Variants in PTPRN2 observed in about 807,000 individuals in gnomAD.
PTPRN2 encodes receptor-type tyrosine-protein phosphatase N2.
A neutral mutation model predicts 118.8 loss-of-function variants in PTPRN2; 74 were observed. The ratio of observed to expected loss-of-function variants is 0.62; its 90% CI spans 0.52 to 0.76. PTPRN2 has a LOEUF of 0.76. Ranked by LOEUF, PTPRN2 falls within the 30% of genes least tolerant of loss-of-function variation. The pLI, the probability that PTPRN2 is intolerant of heterozygous loss-of-function variation, is 0.00. For missense variants in PTPRN2, 1,481 were observed against 1,394.4 expected, an observed-to-expected ratio of 1.06 and a Z score of -0.99; for synonymous variants, 641 against 608.0, an observed-to-expected ratio of 1.05 and a Z score of -0.80.
At chr7:158,448,246 G>A (rs1817862348) in intron 2 of PTPRN2, among the ~76,000 whole-genome samples, 2 of 152,246 alleles carry the variant, frequency 1.3e-5, no homozygotes, top group South Asian at 4.1e-4. Flanking sequence ...GAGAGAAGTG[G>A]ACTTGGAAGG....
chr7:157,633,924 C>A (rs1045499128), intron 14 of PTPRN2, among the ~76,000 whole-genome samples: 16 of 152,206 alleles, frequency 1.1e-4, no homozygotes, highest in African/African-American at 3.4e-4. Context: ...TTTTGGAAGA[C>A]CACCCTGGTT....
chr7:157,563,913 ACAG>A (rs1799351139), intron 21 of PTPRN2, among the ~76,000 whole-genome samples: 1 of 151,902 alleles, frequency 6.6e-6, no homozygotes, highest in Non-Finnish European at 1.5e-5. Context: ...CACACCACAC[ACAG>A]CAGATCAGGA....
rs1270089861 is a variant in PTPRN2, at chr7:157,688,363, C to T, written c.1789-5426G>A. On this transcript the variant is annotated intron_variant, in intron 12 of 22. Transcript: ENST00000389418. ...TACTGATGTCCAAAGGGGGAAGCACCCTTGTGCAAACTAATTCTAACCAGC... is the reference window on the plus strand; with the variant it reads ...TACTGATGTCCAAAGGGGGAAGCACTCTTGTGCAAACTAATTCTAACCAGC... Among the ~76,000 whole-genome samples the T allele has an allele frequency of 2.0e-5, 3 of 152,290 alleles. No homozygotes were observed. In the South Asian group the frequency reaches 6.2e-4, roughly 32 times the overall value.
At chr7:158,232,429 A>G (rs10273930) in intron 3 of PTPRN2, among the ~76,000 whole-genome samples, 72,524 of 151,882 alleles carry the variant, frequency 0.48, 18,171 homozygotes, top group African/African-American at 0.64. Context: ...ACCAATAACA[A>G]GTAATTAGAT....
chr7:158,542,773 A>G (rs1229808049), intron 1 of PTPRN2, among the ~76,000 whole-genome samples: 2 of 152,236 alleles, frequency 1.3e-5, no homozygotes, highest in East Asian at 1.9e-4. Context: ...CAGCAAGTCC[A>G]TGTCCCTGGG....
At chr7:158,154,400 C>G (rs1355856992) in intron 6 of PTPRN2, among the ~76,000 whole-genome samples, 1 of 152,198 alleles carries the variant, frequency 6.6e-6, no homozygotes, top group East Asian at 1.9e-4. Flanking sequence ...TGCTAATGCT[C>G]AGTATTTGTT....
chr7:158,244,675 G>A (rs1796087894), intron 3 of PTPRN2, among the ~76,000 whole-genome samples: 1 of 151,918 alleles, frequency 6.6e-6, no homozygotes, highest in Admixed American at 6.6e-5. Context: ...TGTGAGTTCT[G>A]TAAGCTGTGT....
At chr7:158,208,664 G>A (rs952703730) in intron 3 of PTPRN2, among the ~76,000 whole-genome samples, 3 of 152,104 alleles carry the variant, frequency 2.0e-5, no homozygotes, top group East Asian at 1.9e-4. Flanking sequence ...GATTTCTTCC[G>A]TCTGAAATAA....
chr7:157,917,704 A>T (rs564754171), intron 11 of PTPRN2, among the ~76,000 whole-genome samples: 3 of 152,256 alleles, frequency 2.0e-5, no homozygotes, highest in African/African-American at 7.2e-5. Flanking sequence ...TTTAAAATAC[A>T]ATGTTTATCT....
chr7:157,775,237 G>A (rs141314047), intron 12 of PTPRN2, among the ~76,000 whole-genome samples: 1 of 152,208 alleles, frequency 6.6e-6, no homozygotes, highest in Non-Finnish European at 1.5e-5. Flanking sequence ...CTCACCCTTC[G>A]GGTCTGCGGC....
chr7:158,288,913 CCTT>C (rs1377411006), intron 3 of PTPRN2, among the ~76,000 whole-genome samples: 2 of 152,190 alleles, frequency 1.3e-5, no homozygotes, highest in Non-Finnish European at 2.9e-5. Flanking sequence ...CTTTTCCTCT[CCTT>C]CATTTCTGAA....
chr7:158,411,273 G>C (rs1184937769), intron 2 of PTPRN2, among the ~76,000 whole-genome samples: 1 of 152,128 alleles, frequency 6.6e-6, no homozygotes, highest in African/African-American at 2.4e-5. Context: ...CCTTCCCCAC[G>C]TAAAGATGTG....
chr7:158,184,460 T>A (rs1412562480), intron 5 of PTPRN2, among the ~76,000 whole-genome samples: 1 of 152,248 alleles, frequency 6.6e-6, no homozygotes, highest in African/African-American at 2.4e-5. Flanking sequence ...AGCATTGCTA[T>A]ATTTACTAGT....
At position 157,595,271 on chromosome 7, in the gene PTPRN2, T is replaced by C; in HGVS notation, c.2463A>G (p.Gly821=). The change falls in exon 17 of 23, where the codon GGA becomes GGG. Residue 821 remains glycine (G), a synonymous_variant. Coordinates refer to ENST00000389418, the MANE Select transcript of PTPRN2 (RefSeq NM_002847.5). ...AGTCAGCCACGGTGGCGGGCAGCGGTCCCTGGGTGGCGATGTACGCGGGGT... is the reference window on the plus strand; with the variant it reads ...AGTCAGCCACGGTGGCGGGCAGCGGCCCCTGGGTGGCGATGTACGCGGGGT... The part of the protein sequence containing the change: ...PRNPAYIATQ[G]PLPATVADFW... 3 of 1,614,204 alleles carry C rather than the reference T, an allele frequency of 1.9e-6. No individual in the cohort carries two copies. Among genetic ancestry groups the C allele is most frequent in the Non-Finnish European group, 2.5e-6 (3 of 1,180,046 alleles).
intron 12 of PTPRN2, among the ~76,000 whole-genome samples, chr7:157,736,796 A>C (rs1341098231): frequency 6.6e-6 from 1 of 152,108 alleles, no homozygotes; most frequent in Non-Finnish European, 1.5e-5. Context: ...TACATCTTAC[A>C]TGCAGGTCCC....
chr7:158,040,667 AAG>A (rs1162248549), intron 11 of PTPRN2, among the ~76,000 whole-genome samples: 1 of 152,168 alleles, frequency 6.6e-6, no homozygotes, highest in Admixed American at 6.5e-5. Flanking sequence ...AGAAGAAATA[AAG>A]ACTTTTTTAG....
intron 3 of PTPRN2, among the ~76,000 whole-genome samples, chr7:158,269,022 TC>T (rs1798118463): frequency 6.6e-6 from 1 of 152,166 alleles, no homozygotes; most frequent in Non-Finnish European, 1.5e-5. Flanking sequence ...ACACTGAACC[TC>T]CCCGGCTTTG....
chr7:158,463,020 T>C lies in PTPRN2; in HGVS notation c.163+26715A>G, dbSNP rs1819116659. 2.0e-5 allele frequency among the ~76,000 whole-genome samples: 3 copies of C among 152,280 alleles called. No individual in the cohort carries two copies. The South Asian group carries it at 6.2e-4, about 32-fold the overall frequency. On this transcript the variant is annotated intron_variant, in intron 2 of 22. Coordinates refer to ENST00000389418, the MANE Select transcript of PTPRN2 (RefSeq NM_002847.5). ...ATTTGAACTCAGATCATTAGTTTCA[T>C]GTTTCCCCAGCCTGGCTGCACATTA... is the stretch of plus-strand genomic sequence containing the variant.
chr7:157,653,275 G>T (rs138886291), intron 14 of PTPRN2, among the ~76,000 whole-genome samples: 2 of 152,206 alleles, frequency 1.3e-5, no homozygotes, highest in East Asian at 1.9e-4. Context: ...GGAACATGTC[G>T]CTGGGAATCT....
Sources: allele counts gnomAD v4.1 joint callset (sites outside exome capture counted in the v4.1 genomes callset), GRCh38; gene constraint gnomAD v4.1.1; transcripts MANE v1.5; gene names NCBI Gene and HGNC (gene_info 2026-07-23, HGNC 2026-07-21).